The following ITGA3 variants were observed in gnomAD, a reference collection of about 807,000 sequenced individuals.
The protein encoded by ITGA3 is integrin alpha-3.
In ITGA3, 70 loss-of-function variants were observed where a neutral mutation model predicts 131.1. The observed-to-expected ratio is 0.53, with a 90% CI of 0.44 to 0.65. ITGA3 has a LOEUF of 0.65. Ranked by LOEUF, ITGA3 falls within the 30% of genes least tolerant of loss-of-function variation. The pLI, the probability that ITGA3 is intolerant of heterozygous loss-of-function variation, is 0.00. For synonymous variants in ITGA3, 537 were observed against 571.6 expected, an observed-to-expected ratio of 0.94 and a Z score of 0.86; for missense variants, 1,098 against 1,388.6, an observed-to-expected ratio of 0.79 and a Z score of 3.33.
intron 1 of ITGA3, among the ~76,000 whole-genome samples, chr17:50,062,873 G>A (rs1265353595): frequency 3.3e-5 from 5 of 152,250 alleles, no homozygotes; most frequent in African/African-American, 7.2e-5. Flanking sequence ...CCTGCCACCC[G>A]AGAAGGCCAG....
chr17:50,072,278 A>AGGGC, intron 7 of ITGA3, 96 bp downstream of exon 7: 1 of 1,132,332 alleles, frequency 8.8e-7, no homozygotes, highest in Non-Finnish European at 1.3e-6. Flanking sequence ...CAGGCTTGAC[A>AGGGC]GGGCCCACAG....
intron 3 of ITGA3, among the ~76,000 whole-genome samples, chr17:50,066,748 C>T (rs1023186217): frequency 2.6e-5 from 4 of 152,176 alleles, no homozygotes; most frequent in East Asian, 1.9e-4. Flanking sequence ...GCACTCCAGC[C>T]TGGGTGACAG....
In ITGA3 at chr17:50,076,368, A is replaced by AACTACTCTTT; in HGVS notation, c.1720_1729dup (p.Pro577LeufsTer35). ...ACTCCGCCCCATCATCATCTCCATG[A>AACTACTCTTT]ACTACTCTTTACCTTTGCGGATGCC... On this transcript the variant is annotated frameshift_variant, in exon 13 of 26. Transcript: ENST00000320031. LOFTEE classifies it high-confidence loss of function. 1 of 1,613,706 alleles carries AACTACTCTTT rather than the reference A, an allele frequency of 6.2e-7. No individual in the cohort carries two copies. The highest frequency in any genetic ancestry group is 8.5e-7 in the Non-Finnish European group (1 of 1,179,968).
chr17:50,088,462 G>A (rs1909567825), intron 25 of ITGA3, 96 bp downstream of exon 25: 1 of 651,128 alleles, frequency 1.5e-6, no homozygotes. Flanking sequence ...GGCCTGCTCT[G>A]ACCTCATTCT....
In ITGA3 at chr17:50,064,574, T is replaced by G; in HGVS notation, c.381T>G (p.Thr127=). 1 of 1,613,194 alleles carries G rather than the reference T, an allele frequency of 6.2e-7. No homozygotes were observed. The highest frequency in any genetic ancestry group is 8.5e-7 in the Non-Finnish European group (1 of 1,179,822). Residue 127 remains threonine, a synonymous_variant, in exon 3 of 26, where the codon ACT becomes ACG. Transcript: ENST00000320031. The surrounding 1 kb of genome is among the most constrained non-coding windows in gnomAD (Gnocchi z 4.4). The part of the protein sequence containing the change: ...HIIEDMWLGV[T]VASQGPAGRV... ...TTGAGGACATGTGGCTTGGAGTGAC[T>G]GTGGCCAGCCAGGGCCCTGCAGGCA... is the stretch of plus-strand genomic sequence containing the variant.
chr17:50,079,689 A>G, intron 21 of ITGA3, 132 bp downstream of exon 21: 1 of 1,038,328 alleles, frequency 9.6e-7, no homozygotes, highest in Admixed American at 3.6e-5. Flanking sequence ...GGGAGCCTCC[A>G]GACAGAGCAG....
At chr17:50,075,944 A>G (rs533101333) in intron 12 of ITGA3, among the ~76,000 whole-genome samples, 1 of 152,208 alleles carries the variant, frequency 6.6e-6, no homozygotes, top group South Asian at 2.1e-4. Flanking sequence ...GATGGGGCCA[A>G]AGGGCTTATT....
intron 7 of ITGA3, among the ~76,000 whole-genome samples, chr17:50,072,929 T>C (rs928248246): frequency 6.6e-6 from 1 of 152,106 alleles, no homozygotes; most frequent in Non-Finnish European, 1.5e-5. Flanking sequence ...GCACCTGGCT[T>C]ATCTGAAAGT....
At position 50,079,103 on chromosome 17, in the gene ITGA3, G is replaced by A; in HGVS notation, c.2428G>A (p.Gly810Ser). The change falls in exon 20 of 26, where the codon GGC (glycine) becomes AGC (serine). Residue 810 changes from glycine to serine, a missense_variant. By Grantham distance (56) the Gly-to-Ser change is moderately conservative (BLOSUM62 0). This residue lies in a region of ITGA3 where 699 missense variants were observed against 829.2 expected (regional missense o/e 0.84). Coordinates refer to ENST00000320031, the MANE Select transcript of ITGA3 (RefSeq NM_002204.4). ...GGGCCCAATGGGGGAGGGGCTGGTG[G>A]GCCTGGGGACCCTGGTCCTAGGTCT... is the stretch of plus-strand genomic sequence containing the variant. The part of the protein sequence containing the change: ...QVGPMGEGLV[G>S]LGTLVLGLEW... 1 of 1,613,770 alleles carries A rather than the reference G, an allele frequency of 6.2e-7. No individual in the cohort carries two copies. Among genetic ancestry groups the A allele is most frequent in the South Asian group, 1.1e-5 (1 of 91,072 alleles).
At chr17:50,084,966 A>C (rs965637875) in intron 23 of ITGA3, among the ~76,000 whole-genome samples, 13 of 152,066 alleles carry the variant, frequency 8.5e-5, no homozygotes, top group Admixed American at 2.6e-4. Context: ...TAATCCCAGC[A>C]CTTTGGGAGG....
At chr17:50,068,622 T>G (rs1407249817) in intron 4 of ITGA3, among the ~76,000 whole-genome samples, 1 of 151,540 alleles carries the variant, frequency 6.6e-6, no homozygotes, top group Non-Finnish European at 1.5e-5. Context: ...CAACCTCAGC[T>G]TCTTGAGTAG....
At position 50,077,099 on chromosome 17, in the gene ITGA3, T is replaced by C; in HGVS notation, c.2048T>C (p.Leu683Pro). The C allele has an allele frequency of 6.4e-7, 1 of 1,570,606 alleles. No homozygotes were observed. Among genetic ancestry groups the C allele is most frequent in the Non-Finnish European group, 8.7e-7 (1 of 1,154,908 alleles). Reference protein sequence around the residue: ...ALLTLVVPPALLLSSVRPPGA... With the variant: ...ALLTLVVPPAPLLSSVRPPGA... ...CTCACCCTGGTGGTGCCTCCCGCCC[T>C]GCTGCTGTCCTCAGTGCGCCCCGTG... Residue 683 changes from leucine (L) to proline (P), a missense_variant, in exon 15 of 26, where the codon CTG (leucine) becomes CCG (proline). Leu to Pro is a moderately conservative substitution (Grantham distance 98). This residue lies in a region of ITGA3 where 699 missense variants were observed against 829.2 expected (regional missense o/e 0.84). Transcript: ENST00000320031.
In ITGA3 at chr17:50,064,171, G is replaced by T; in HGVS notation, c.301G>T (p.Asp101Tyr). 5 of 1,610,848 alleles carry T rather than the reference G, an allele frequency of 3.1e-6. No individual in the cohort carries two copies. Among genetic ancestry groups the T allele is most frequent in the Non-Finnish European group, 4.2e-6 (5 of 1,178,846 alleles). The change falls in exon 2 of 26, where the codon GAT becomes TAT. Residue 101 changes from aspartate to tyrosine, a missense_variant. This residue lies in a region of ITGA3 where 356 missense variants were observed against 529.2 expected (regional missense o/e 0.67). Coordinates refer to ENST00000320031, the MANE Select transcript of ITGA3 (RefSeq NM_002204.4). The surrounding 1 kb of genome is among the most constrained non-coding windows in gnomAD (Gnocchi z 4.4). ...CCTGTGCCCACTCACTGCCCACAAG[G>T]ATGACTGTGAGCGGATGAACATCAC... ...VYLCPLTAHK[D>Y]DCERMNITVK... is the part of the protein sequence containing the mutation.
At chr17:50,058,352 A>C (rs1172706005) in intron 1 of ITGA3, among the ~76,000 whole-genome samples, 1 of 152,132 alleles carries the variant, frequency 6.6e-6, no homozygotes. Context: ...ATTTCCGCAC[A>C]TGTTGGAGGG....
intron 10 of ITGA3, among the ~76,000 whole-genome samples, chr17:50,074,875 T>G (rs1322218512): frequency 1.3e-5 from 2 of 152,218 alleles, no homozygotes; most frequent in African/African-American, 4.8e-5. Context: ...AGGTGAATTA[T>G]TAATCCCTCT....
At chr17:50,083,899 T>G (rs893355901) in intron 23 of ITGA3, among the ~76,000 whole-genome samples, 1 of 151,708 alleles carries the variant, frequency 6.6e-6, no homozygotes, top group Non-Finnish European at 1.5e-5. Context: ...ATATAAATCA[T>G]AGCAACAAGA....
Position 50,088,384 on chromosome 17 carries a change from C to T in ITGA3, c.*31+18C>T, listed in dbSNP as rs764402692. 1.5e-6 allele frequency: 2 copies of T among 1,370,032 alleles called. No homozygotes were observed. The highest frequency in any genetic ancestry group is 2.0e-6 in the Non-Finnish European group (2 of 983,898). The allele number at this position is 1,370,032 out of a possible 1,614,324, so 84.9% of individuals were successfully genotyped here. On this transcript the variant is annotated intron_variant, in intron 25 of 25. Coordinates refer to ENST00000320031, the MANE Select transcript of ITGA3 (RefSeq NM_002204.4). ...CCACCTGGGTAACACGGCCTCCGGG[C>T]CCCCTTCCCCGAGCCCCACAGCTGG...
Position 50,090,277 on chromosome 17 carries a change from CT to C in ITGA3, c.*1200del. The C allele has an allele frequency of 2.2e-6, 1 of 456,506 alleles. No individual in the cohort carries two copies. Among genetic ancestry groups the C allele is most frequent in the Non-Finnish European group, 4.4e-6 (1 of 226,898 alleles). 28.3% of individuals were successfully genotyped at this position (456,506 alleles called of 1,614,324 possible). On this transcript the variant is annotated 3_prime_UTR_variant, in exon 26 of 26. Coordinates refer to ENST00000320031, the MANE Select transcript of ITGA3 (RefSeq NM_002204.4). ...TTCAGAGCCAGCCTGGCTCTGCCCC[CT>C]CCCCCATGGGCTGTGTCCTAAGGCC...
At chr17:50,068,858 A>ATTTATTTT (rs1908474028) in intron 4 of ITGA3, among the ~76,000 whole-genome samples, 2 of 98,432 alleles carry the variant, frequency 2.0e-5, no homozygotes, top group South Asian at 4.6e-4. Context: ...TTATTTATTT[A>ATTTATTTT]TTTTTTTGAG....
Sources: allele counts gnomAD v4.1 joint callset (sites outside exome capture counted in the v4.1 genomes callset), GRCh38; gene constraint gnomAD v4.1.1; regional missense constraint gnomAD v4.1.1; non-coding constraint Gnocchi (gnomAD v3.1); transcripts MANE v1.5; gene names NCBI Gene and HGNC (gene_info 2026-07-23, HGNC 2026-07-21).